Variants in BACH2 observed in about 807,000 individuals in gnomAD.
BACH2 encodes transcription regulator protein BACH2.
BACH2 carries 5 observed loss-of-function variants against 61.8 expected under a neutral mutation model. That is an observed-to-expected ratio of 0.08 (90% CI 0.04 to 0.17). The LOEUF is 0.17. Among genes scored for constraint, BACH2 ranks in the 10% least tolerant of loss-of-function variants. The probability of loss-of-function intolerance (pLI) is 1.00; values close to 1 mark genes in which losing one functional copy is unlikely to be tolerated. For missense variants in BACH2, 824 were observed against 1,091.1 expected (o/e 0.76, Z 3.45); for synonymous variants, 446 against 440.1 (o/e 1.01, Z -0.17).
chr6:90,158,714 G>A (rs1333729842), intron 4 of BACH2, among the ~76,000 whole-genome samples: 2 of 148,002 alleles, frequency 1.4e-5, no homozygotes, highest in Non-Finnish European at 3.0e-5. Context: ...TTCTAGGGAG[G>A]TAACGATATG....
chr6:90,208,970 G>A (rs544129451), intron 3 of BACH2, among the ~76,000 whole-genome samples: 152 of 148,068 alleles, frequency 1.0e-3, no homozygotes, highest in African/African-American at 2.3e-3. Flanking sequence ...ACTAAACACC[G>A]CATGTTCTTA....
At chr6:89,957,899 T>C (rs1469034812) in intron 6 of BACH2, among the ~76,000 whole-genome samples, 1 of 152,196 alleles carries the variant, frequency 6.6e-6, no homozygotes, top group East Asian at 1.9e-4. Context: ...GGTAATAATA[T>C]AAAAACTAAA....
chr6:90,136,372 C>T (rs2501723), intron 4 of BACH2, among the ~76,000 whole-genome samples: 13,600 of 152,288 alleles, frequency 0.089, 1,866 homozygotes, highest in African/African-American at 0.3. Context: ...TCCTTGCCAA[C>T]TGCAGCAGTA....
chr6:90,036,278 C>A (rs1398286013), intron 5 of BACH2, among the ~76,000 whole-genome samples: 2 of 151,410 alleles, frequency 1.3e-5, no homozygotes, highest in African/African-American at 4.9e-5. Flanking sequence ...CCCAGCAGGG[C>A]AGTAAAACAG....
chr6:90,123,566 C>A (rs188613357), intron 4 of BACH2, among the ~76,000 whole-genome samples: 1 of 151,336 alleles, frequency 6.6e-6, no homozygotes, highest in Non-Finnish European at 1.5e-5. Flanking sequence ...GTCAGGAGAT[C>A]GAGACCATCC....
intron 5 of BACH2, among the ~76,000 whole-genome samples, chr6:90,065,511 T>C (rs975783783): frequency 1.3e-5 from 2 of 151,874 alleles, no homozygotes; most frequent in South Asian, 2.1e-4. Context: ...AGCTCTGCTG[T>C]TGTAGTGCAG....
intron 5 of BACH2, among the ~76,000 whole-genome samples, chr6:90,068,638 G>GTT (rs200261856): frequency 2.8e-5 from 4 of 140,806 alleles, no homozygotes; most frequent in Admixed American, 7.1e-5. Flanking sequence ...GGTTGTTGTT[G>GTT]TTTTTTTTTT....
At chr6:90,136,227 CT>C (rs1185510862) in intron 4 of BACH2, among the ~76,000 whole-genome samples, 1 of 152,148 alleles carries the variant, frequency 6.6e-6, no homozygotes, top group Admixed American at 6.5e-5. Flanking sequence ...ACATAATTGA[CT>C]TTCTTCTTCT....
At chr6:90,259,059 C>A (rs920615864) in intron 2 of BACH2, among the ~76,000 whole-genome samples, 1 of 152,082 alleles carries the variant, frequency 6.6e-6, no homozygotes, top group Non-Finnish European at 1.5e-5. Context: ...CCTTTAATTT[C>A]TTTTCCTTAT....
intron 3 of BACH2, among the ~76,000 whole-genome samples, chr6:90,250,186 A>C (rs1275661362): frequency 6.6e-6 from 1 of 152,244 alleles, no homozygotes; most frequent in Non-Finnish European, 1.5e-5. Context: ...CCAGATCTGA[A>C]TGAAAGCAAA....
chr6:90,048,191 T>TG (rs1355326358), intron 5 of BACH2, among the ~76,000 whole-genome samples: 1 of 152,182 alleles, frequency 6.6e-6, no homozygotes, highest in Non-Finnish European at 1.5e-5. Flanking sequence ...TGCAGTGGTG[T>TG]GATCATAGCT....
chr6:90,007,622 G>T (rs1777480939), intron 6 of BACH2, among the ~76,000 whole-genome samples: 1 of 152,152 alleles, frequency 6.6e-6, no homozygotes, highest in African/African-American at 2.4e-5. Flanking sequence ...AATACTGGTT[G>T]TAACCATCAG....
intron 6 of BACH2, among the ~76,000 whole-genome samples, chr6:89,968,505 C>T (rs367795316): frequency 3.3e-5 from 5 of 152,288 alleles, no homozygotes; most frequent in African/African-American, 4.8e-5. Context: ...CAAAAGTCCA[C>T]GTTTTCATGC....
chr6:90,113,617 T>G (rs965629254), intron 4 of BACH2, among the ~76,000 whole-genome samples: 1 of 151,934 alleles, frequency 6.6e-6, no homozygotes, highest in African/African-American at 2.4e-5. Flanking sequence ...TAGCACTAAA[T>G]GTTCACATCA....
intron 6 of BACH2, among the ~76,000 whole-genome samples, chr6:89,956,684 A>T (rs1200234965): frequency 6.6e-6 from 1 of 152,192 alleles, no homozygotes; most frequent in East Asian, 1.9e-4. Flanking sequence ...GACAGAGTTT[A>T]TGAGGATACT....
chr6:90,233,386 T>C (rs948648328), intron 3 of BACH2, among the ~76,000 whole-genome samples: 7 of 152,214 alleles, frequency 4.6e-5, no homozygotes, highest in Non-Finnish European at 1.0e-4. Context: ...ATGGATCTTG[T>C]CTGCTTCCGT....
intron 4 of BACH2, among the ~76,000 whole-genome samples, chr6:90,183,525 C>T (rs1768238813): frequency 1.3e-5 from 2 of 152,184 alleles, no homozygotes; most frequent in Non-Finnish European, 2.9e-5. Context: ...TTGTCAATAA[C>T]CGTGAATAGT....
chr6:90,295,470 C>A (rs1008115853), intron 1 of BACH2, among the ~76,000 whole-genome samples: 1 of 152,148 alleles, frequency 6.6e-6, no homozygotes, highest in African/African-American at 2.4e-5. Flanking sequence ...TCGTGGGCAC[C>A]TAGGGTAGCC....
chr6:90,222,814 CCTGCTCTGTCCTTAGTCAA>C (rs1562513430), intron 3 of BACH2, among the ~76,000 whole-genome samples: 3 of 152,114 alleles, frequency 2.0e-5, no homozygotes. Flanking sequence ...TCCTTAGTCA[CCTGCTCTGTCCTTAGTCAA>C]CTGCTCTGTC....
Sources: gnomAD v4.1 joint callset for allele counts (sites outside exome capture counted in the v4.1 genomes callset) on GRCh38, gnomAD v4.1.1 for gene constraint, MANE v1.5 for transcripts, NCBI Gene and HGNC (gene_info 2026-07-23, HGNC 2026-07-21) for gene names.